The following UGT2B10 variants were observed in gnomAD, a reference collection of about 807,000 sequenced individuals.
UGT2B10 encodes UDP-glucuronosyltransferase 2B10.
In UGT2B10, 51 loss-of-function variants were observed where a neutral mutation model predicts 43.7. The ratio of observed to expected loss-of-function variants is 1.17; its 90% confidence interval spans 0.93 to 1.47. The LOEUF is 1.47. Among genes scored for constraint, UGT2B10 ranks in the 40% most tolerant of loss-of-function variants. The probability of loss-of-function intolerance (pLI) is 0.00; values close to 1 mark genes in which losing one functional copy is unlikely to be tolerated. For missense variants in UGT2B10, 696 were observed against 617.7 expected, an observed-to-expected ratio of 1.13 and a Z score of -1.34; for synonymous variants, 225 against 209.0, an observed-to-expected ratio of 1.08 and a Z score of -0.66.
chr4:68,828,257 C>T (rs945077605), intron 5 of UGT2B10, among the ~76,000 whole-genome samples: 2 of 151,712 alleles, frequency 1.3e-5, no homozygotes, highest in African/African-American at 4.8e-5. Flanking sequence ...TTTCACCTAG[C>T]CTAATTTTTT....
intron 2 of UGT2B10, among the ~76,000 whole-genome samples, chr4:68,821,650 C>T (rs1249797547): frequency 2.0e-5 from 3 of 152,102 alleles, no homozygotes; most frequent in South Asian, 2.1e-4. Flanking sequence ...GATTCTTAAC[C>T]CCCAGCTTTT....
chr4:68,823,068 G>A (rs1156239705), intron 3 of UGT2B10, among the ~76,000 whole-genome samples: 2 of 152,086 alleles, frequency 1.3e-5, no homozygotes, highest in East Asian at 3.9e-4. Context: ...GAGAAGACTG[G>A]CTCTGGTGGT....
At position 68,826,452 on chromosome 4, in the gene UGT2B10, C is replaced by T; in HGVS notation, c.1042C>T (p.Leu348Phe). ...FDGNKPDALG[L>F]NTRLYKWIPQ... is the part of the protein sequence containing the mutation. ...TGGGAATAAACCAGATGCCTTAGGT[C>T]TCAATACTCGACTGTACAAGTGGAT... Residue 348 changes from leucine to phenylalanine, a missense_variant, in exon 4 of 6, where the codon CTC becomes TTC. Leu to Phe is a conservative substitution (Grantham distance 22). Coordinates refer to ENST00000265403, the MANE Select transcript of UGT2B10 (RefSeq NM_001075.6). The T allele has an allele frequency of 3.1e-6, 5 of 1,612,384 alleles. No individual in the cohort carries two copies. The African/African-American group carries it at 4.0e-5, about 13-fold the overall frequency.
intron 3 of UGT2B10, among the ~76,000 whole-genome samples, chr4:68,822,911 GGGT>G (rs1172989098): frequency 6.6e-6 from 1 of 152,092 alleles, no homozygotes; most frequent in Admixed American, 6.6e-5. Flanking sequence ...AGTATCCAAT[GGGT>G]GAAGAACACT....
In UGT2B10 at chr4:68,826,523, A is replaced by G. The variant is rs376901301; in HGVS notation, c.1087+26A>G. 6 of 1,598,062 alleles carry G rather than the reference A, an allele frequency of 3.8e-6. No individual in the cohort carries two copies. The African/African-American group carries it at 5.4e-5, about 14-fold the overall frequency. ...GTAACACTCTGGTGAACAATACTGG[A>G]TATATTAGTAACTGCACATTAGAGT... On this transcript the variant is annotated intron_variant, in intron 4 of 5. Coordinates refer to ENST00000265403, the MANE Select transcript of UGT2B10 (RefSeq NM_001075.6).
intron 2 of UGT2B10, among the ~76,000 whole-genome samples, chr4:68,820,926 G>A (rs1408820730): frequency 6.6e-6 from 1 of 152,160 alleles, no homozygotes; most frequent in East Asian, 1.9e-4. Context: ...TCTACACAGA[G>A]GTTAGATTCC....
At chr4:68,820,593 T>C (rs1737443702) in intron 2 of UGT2B10, among the ~76,000 whole-genome samples, 1 of 152,026 alleles carries the variant, frequency 6.6e-6, no homozygotes, top group African/African-American at 2.4e-5. Context: ...TCAATTATGC[T>C]GTCAGCCATA....
chr4:68,821,146 C>T (rs1462929366), intron 2 of UGT2B10, among the ~76,000 whole-genome samples: 2 of 152,154 alleles, frequency 1.3e-5, no homozygotes, highest in Non-Finnish European at 2.9e-5. Flanking sequence ...ATATGTGGTG[C>T]ACAGTTTACA....
intron 3 of UGT2B10, among the ~76,000 whole-genome samples, chr4:68,823,496 C>T (rs984378744): frequency 6.6e-6 from 1 of 151,990 alleles, no homozygotes; most frequent in Non-Finnish European, 1.5e-5. Flanking sequence ...TACAGGGCCA[C>T]ACTCTGTCTC....
intron 2 of UGT2B10, among the ~76,000 whole-genome samples, chr4:68,821,058 A>G (rs1165661713): frequency 6.6e-6 from 1 of 152,152 alleles, no homozygotes. Flanking sequence ...AGATGCCCCA[A>G]GTATTATGTG....
rs1178827038 is a variant in UGT2B10 at position 68,830,634 on chromosome 4, C to A, written c.1342C>A (p.Gln448Lys). ...KENIMKLSRI[Q>K]HDQPVKPLDR... ...GAATATTATGAAATTATCAAGAATT[C>A]AACATGATCAACCAGTGAAGCCCCT... The change falls in exon 6 of 6, where the codon CAA (glutamine) becomes AAA (lysine). Residue 448 changes from glutamine (Q) to lysine (K), a missense_variant. By Grantham distance (53) the Gln-to-Lys change is moderately conservative (BLOSUM62 1). Transcript: ENST00000265403. 2 of 1,612,784 alleles carry A rather than the reference C, an allele frequency of 1.2e-6. No homozygotes were observed. Among genetic ancestry groups the A allele is most frequent in the Non-Finnish European group, 1.7e-6 (2 of 1,179,332 alleles).
Position 68,832,015 on chromosome 4 carries a change from A to G in UGT2B10, c.*1136A>G, listed in dbSNP as rs1738119625. The stretch of plus-strand genomic sequence containing the variant: ...AATTTATCCTTAATAAAGTCTCTAT[A>G]CTAAAGAAGAATCTAATGAAAAATA... On this transcript the variant is annotated 3_prime_UTR_variant, in exon 6 of 6. Transcript: ENST00000265403. Among the ~76,000 whole-genome samples the G allele has an allele frequency of 6.6e-6, 1 of 152,056 alleles. No homozygotes were observed. The highest frequency in any genetic ancestry group is 1.5e-5 in the Non-Finnish European group (1 of 67,978).
At chr4:68,823,282 C>T (rs1485962769) in intron 3 of UGT2B10, among the ~76,000 whole-genome samples, 7 of 151,870 alleles carry the variant, frequency 4.6e-5, no homozygotes, top group East Asian at 1.9e-4. Flanking sequence ...CCAAGGCGGG[C>T]AGATCACGAG....
intron 5 of UGT2B10, among the ~76,000 whole-genome samples, chr4:68,828,478 C>T (rs1268214548): frequency 1.3e-5 from 2 of 151,618 alleles, no homozygotes; most frequent in Admixed American, 6.6e-5. Flanking sequence ...GATCAAAACA[C>T]CTTTAAAGAA....
At chr4:68,830,051 T>C (rs1222931834) in intron 5 of UGT2B10, among the ~76,000 whole-genome samples, 3 of 152,060 alleles carry the variant, frequency 2.0e-5, no homozygotes, top group Non-Finnish European at 2.9e-5. Flanking sequence ...AATTCCTTTT[T>C]AGGAACTTAG....
At chr4:68,820,983 A>G (rs1345963957) in intron 2 of UGT2B10, among the ~76,000 whole-genome samples, 2 of 152,156 alleles carry the variant, frequency 1.3e-5, no homozygotes, top group African/African-American at 2.4e-5. Context: ...AGCCAGTAAG[A>G]TGAAACACTG....
chr4:68,819,779 A>G (rs751658553), intron 2 of UGT2B10, among the ~76,000 whole-genome samples: 5 of 152,064 alleles, frequency 3.3e-5, no homozygotes, highest in Admixed American at 6.6e-5. Context: ...AATACGAAAA[A>G]AAATTCCGTC....
chr4:68,819,333 C>T (rs755845778), intron 2 of UGT2B10, among the ~76,000 whole-genome samples: 8 of 151,884 alleles, frequency 5.3e-5, no homozygotes, highest in Non-Finnish European at 1.2e-4. Flanking sequence ...CTTGGAATGT[C>T]ATAGATGACA....
In UGT2B10 at chr4:68,826,112, C is replaced by T. The variant is rs149519804; in HGVS notation, c.1000-298C>T. On this transcript the variant is annotated intron_variant, in intron 3 of 5. Transcript: ENST00000265403. ...TGTGTGATGTTAAACTTTTTTTCTT[C>T]GATGGTTAGCCGCAGGTAGTTCTTC... Among the ~76,000 whole-genome samples, 537 of 151,806 alleles carry T rather than the reference C, an allele frequency of 3.5e-3. 3 individuals are homozygous for T. Among genetic ancestry groups the T allele is most frequent in the African/African-American group, 0.012 (518 of 41,470 alleles).
Sources: allele counts gnomAD v4.1 joint callset (sites outside exome capture counted in the v4.1 genomes callset), GRCh38; gene constraint gnomAD v4.1.1; transcripts MANE v1.5; gene names NCBI Gene and HGNC (gene_info 2026-07-23, HGNC 2026-07-21).